The following INTS4 variants were observed in gnomAD, a reference collection of about 807,000 sequenced individuals.
The protein encoded by INTS4 is MSTP093.
INTS4 carries 70 observed loss-of-function variants against 119.5 expected under a neutral mutation model. The ratio of observed to expected loss-of-function variants is 0.59; its 90% CI spans 0.48 to 0.71. The LOEUF is 0.71. INTS4 is among the 30% of genes least tolerant of loss of function. INTS4 has a pLI of 0.00. For synonymous variants in INTS4, 316 were observed against 419.6 expected, an observed-to-expected ratio of 0.75 and a Z score of 3.02; for missense variants, 867 against 1,173.2, an observed-to-expected ratio of 0.74 and a Z score of 3.81.
chr11:77,892,161 T>C (rs1952301418), intron 19 of INTS4, among the ~76,000 whole-genome samples: 2 of 152,218 alleles, frequency 1.3e-5, no homozygotes, highest in Admixed American at 1.3e-4. Flanking sequence ...TTTTAACAAA[T>C]ACATTTTTAA....
intron 18 of INTS4, among the ~76,000 whole-genome samples, chr11:77,900,973 C>T (rs1389967123): frequency 1.3e-5 from 2 of 152,152 alleles, no homozygotes; most frequent in African/African-American, 4.8e-5. Context: ...AACCAAACAA[C>T]TAGTAAGTAG....
In INTS4 at chr11:77,897,309, C is replaced by T. The variant is rs910769028; in HGVS notation, c.2229-2960G>A. ...AGGAGTTCAAGACTGGCCTGGACAA[C>T]GCAGTGAAACCATGTTTCTATTATT... On this transcript the variant is annotated intron_variant, in intron 18 of 22. Transcript: ENST00000534064. Among the ~76,000 whole-genome samples the T allele has an allele frequency of 1.9e-4, 28 of 150,384 alleles. 1 individual carries two copies. Among genetic ancestry groups the T allele is most frequent in the Admixed American group, 2.0e-4 (3 of 15,114 alleles).
Position 77,879,245 on chromosome 11 carries a change from T to C in INTS4, c.2714-118A>G, listed in dbSNP as rs998415212. The C allele has an allele frequency of 5.7e-6, 6 of 1,057,492 alleles. No homozygotes were observed. The African/African-American group carries it at 7.9e-5, about 14-fold the overall frequency. The allele number at this position is 1,057,492 out of a possible 1,614,324, so 65.5% of individuals were successfully genotyped here. On this transcript the variant is annotated intron_variant, in intron 22 of 22. Transcript: ENST00000534064. The stretch of plus-strand genomic sequence containing the variant: ...GTAGGGAGAAATTTCTTCATCCGTC[T>C]ACATTCCCTCCCCTTACCCTCACCA...
intron 10 of INTS4, among the ~76,000 whole-genome samples, chr11:77,933,008 G>A (rs1953692954): frequency 6.6e-6 from 1 of 151,714 alleles, no homozygotes; most frequent in Non-Finnish European, 1.5e-5. Context: ...ACCTAACGTA[G>A]ATGATGGGTT....
At chr11:77,900,972 A>G (rs1952760781) in intron 18 of INTS4, among the ~76,000 whole-genome samples, 1 of 152,192 alleles carries the variant, frequency 6.6e-6, no homozygotes. Context: ...TAACCAAACA[A>G]CTAGTAAGTA....
At chr11:77,955,321 A>G (rs1344230890) in intron 8 of INTS4, among the ~76,000 whole-genome samples, 1 of 152,208 alleles carries the variant, frequency 6.6e-6, no homozygotes, top group Non-Finnish European at 1.5e-5. Context: ...TGAGCAACAG[A>G]GGAAGACCCT....
intron 4 of INTS4, among the ~76,000 whole-genome samples, chr11:77,965,408 T>C (rs1372024238): frequency 6.6e-6 from 1 of 152,210 alleles, no homozygotes; most frequent in Non-Finnish European, 1.5e-5. Context: ...TGCTATGTAA[T>C]AGATCTCAAA....
intron 4 of INTS4, among the ~76,000 whole-genome samples, chr11:77,972,154 G>A (rs1855757922): frequency 6.6e-6 from 1 of 152,196 alleles, no homozygotes; most frequent in East Asian, 1.9e-4. Flanking sequence ...CTGGACTGCA[G>A]TAGCGCAGTC....
intron 21 of INTS4, among the ~76,000 whole-genome samples, chr11:77,886,427 A>G (rs201587537): frequency 6.6e-6 from 1 of 152,194 alleles, no homozygotes; most frequent in Non-Finnish European, 1.5e-5. Context: ...AAGAGTTAAT[A>G]ATCGCGAAGG....
At chr11:77,887,665 A>G (rs1220544141) in intron 21 of INTS4, among the ~76,000 whole-genome samples, 5 of 152,190 alleles carry the variant, frequency 3.3e-5, no homozygotes, top group Non-Finnish European at 7.3e-5. Flanking sequence ...TTGTATATCT[A>G]GAAAACCCCA....
At chr11:77,963,328 C>T (rs567677634) in intron 4 of INTS4, 65 of 336,804 alleles carry the variant, frequency 1.9e-4, no homozygotes, top group African/African-American at 1.5e-3. Context: ...CTTTTCTGGC[C>T]GGGCGCAGAA....
intron 4 of INTS4, among the ~76,000 whole-genome samples, chr11:77,973,658 T>A (rs893577462): frequency 6.6e-6 from 1 of 152,210 alleles, no homozygotes; most frequent in Non-Finnish European, 1.5e-5. Flanking sequence ...TGTGTTCTTA[T>A]AATACAAGGG....
chr11:77,940,634 G>T (rs528353107), intron 9 of INTS4, among the ~76,000 whole-genome samples: 7 of 152,002 alleles, frequency 4.6e-5, no homozygotes, highest in Admixed American at 3.3e-4. Flanking sequence ...TTTGGTTGTT[G>T]TTTTTTGGGT....
At chr11:77,991,710 C>G (rs1192228521) in intron 1 of INTS4, among the ~76,000 whole-genome samples, 1 of 152,072 alleles carries the variant, frequency 6.6e-6, no homozygotes, top group Non-Finnish European at 1.5e-5. Context: ...TTTGCTCTAC[C>G]TATCTCTGAG....
chr11:77,916,925 T>C (rs578216467), intron 15 of INTS4, among the ~76,000 whole-genome samples: 1 of 152,236 alleles, frequency 6.6e-6, no homozygotes, highest in Middle Eastern at 3.2e-3. Context: ...CCTCAGCAAC[T>C]GGCTTATTAG....
chr11:77,951,232 T>C (rs1954187222), intron 8 of INTS4, among the ~76,000 whole-genome samples: 1 of 152,198 alleles, frequency 6.6e-6, no homozygotes, highest in Non-Finnish European at 1.5e-5. Context: ...CCTTTGGGTA[T>C]AGACCCAGTA....
chr11:77,993,047 A>G lies in INTS4; in HGVS notation c.54+1543T>C, dbSNP rs145349998. Among the ~76,000 whole-genome samples, 71 of 152,322 alleles carry G rather than the reference A, an allele frequency of 4.7e-4. 1 individual carries two copies. Among genetic ancestry groups the G allele is most frequent in the African/African-American group, 1.4e-3 (58 of 41,574 alleles). ...GTCTTATCGAAGCTGTAGTTAGGTC[A>G]AAAGCTAGGAATTTTTTCCCTAAGT... On this transcript the variant is annotated intron_variant, in intron 1 of 22. Transcript: ENST00000534064.
At chr11:77,976,936 G>C (rs1201643088) in intron 4 of INTS4, among the ~76,000 whole-genome samples, 2 of 151,992 alleles carry the variant, frequency 1.3e-5, no homozygotes, top group East Asian at 3.9e-4. Context: ...TGGGGTGGGG[G>C]AAGGGGGGAG....
intron 8 of INTS4, among the ~76,000 whole-genome samples, chr11:77,952,433 T>A (rs1327107134): frequency 9.2e-5 from 14 of 152,238 alleles, no homozygotes; most frequent in Non-Finnish European, 1.0e-4. Flanking sequence ...TAAAAGTTAC[T>A]TGCAAAAGTA....
Sources: gnomAD v4.1 joint callset for allele counts (sites outside exome capture counted in the v4.1 genomes callset) on GRCh38, gnomAD v4.1.1 for gene constraint, MANE v1.5 for transcripts, NCBI Gene and HGNC (gene_info 2026-07-23, HGNC 2026-07-21) for gene names.